GRTP1: variants seen among roughly 807,000 people sequenced by gnomAD.
GRTP1 encodes the protein growth hormone-regulated TBC protein 1.
Under a neutral mutation model 38.1 loss-of-function variants are expected in GRTP1, and 56 were observed. The ratio of observed to expected loss-of-function variants is 1.47; its 90% CI spans 1.19 to 1.84. The LOEUF (loss-of-function observed/expected upper bound fraction) is 1.84. GRTP1 is among the 40% of genes most tolerant of loss of function. The probability of loss-of-function intolerance (pLI) is 0.00; values close to 1 mark genes in which losing one functional copy is unlikely to be tolerated. For synonymous variants in GRTP1, 217 were observed against 189.5 expected (o/e 1.14, Z -1.19); for missense variants, 506 against 453.9 (o/e 1.11, Z -1.04).
intron 3 of GRTP1, 48 bp from the exon 4 acceptor site, chr13:113,351,021 C>A (rs778174545): frequency 3.0e-5 from 48 of 1,607,314 alleles, no homozygotes; most frequent in Non-Finnish European, 4.0e-5. Flanking sequence ...GTTCCACAAG[C>A]CTCCCACCCC....
Position 113,364,016 on chromosome 13 carries a change from A to C in GRTP1, c.32+4T>G. On this transcript the variant is annotated splice_donor_region_variant and intron_variant, in intron 1 of 7. Transcript: ENST00000375431. ...CGGGGACGCCCGCACCCCGCGCCAC[A>C]CACCTGGGGACCCGCGAGCGCTCGG... 1 of 1,355,218 alleles carries C rather than the reference A, an allele frequency of 7.4e-7. No individual in the cohort carries two copies. The highest frequency in any genetic ancestry group is 9.5e-7 in the Non-Finnish European group (1 of 1,057,886). 83.9% of individuals were successfully genotyped at this position (1,355,218 alleles called of 1,614,324 possible).
chr13:113,325,105 C>T (rs1293086090), intron 7 of GRTP1: 8 of 1,012,390 alleles, frequency 7.9e-6, no homozygotes, highest in Non-Finnish European at 9.5e-6. Flanking sequence ...GCTGGGACTG[C>T]AGGCGTGAGC....
chr13:113,347,708 G>C (rs1340507990), intron 4 of GRTP1, among the ~76,000 whole-genome samples: 1 of 102,422 alleles, frequency 9.8e-6, no homozygotes, highest in Non-Finnish European at 2.0e-5. Context: ...CTCTGTGGCA[G>C]AGAGCAGACC....
intron 2 of GRTP1, among the ~76,000 whole-genome samples, chr13:113,356,554 C>A (rs2043390603): frequency 6.6e-6 from 1 of 152,178 alleles, no homozygotes; most frequent in Non-Finnish European, 1.5e-5. Context: ...GCGTGAGCCA[C>A]CACGCCTGGC....
chr13:113,325,478 A>G, intron 7 of GRTP1, 183 bp downstream of exon 7: 1 of 1,460,458 alleles, frequency 6.8e-7, no homozygotes, highest in African/African-American at 1.4e-5. Flanking sequence ...GCCGCCATAG[A>G]CAGGAAAGCC....
chr13:113,357,831 T>C (rs902608019), intron 2 of GRTP1, among the ~76,000 whole-genome samples: 1 of 152,164 alleles, frequency 6.6e-6, no homozygotes, highest in Non-Finnish European at 1.5e-5. Context: ...GGAGAGGCCA[T>C]GCAAAAACCA....
chr13:113,355,488 G>A lies in GRTP1; in HGVS notation c.182-7C>T, dbSNP rs1034013180. ...TTCCGGACATAGCGCTTCACTGAAG[G>A]CCGAGAGGACGGACAGCGTGTGAGC... On this transcript the variant is annotated splice_region_variant and splice_polypyrimidine_tract_variant and intron_variant, in intron 2 of 7. Transcript: ENST00000375431. The A allele has an allele frequency of 1.9e-6, 3 of 1,604,724 alleles. No homozygotes were observed. The highest frequency in any genetic ancestry group is 3.4e-5 in the Admixed American group (2 of 59,654).
chr13:113,325,583 G>C, intron 7 of GRTP1, 78 bp downstream of exon 7: 1 of 1,609,034 alleles, frequency 6.2e-7, no homozygotes. Flanking sequence ...CACCCTCCGG[G>C]TGGTCAGAGC....
chr13:113,352,819 T>C (rs979512199), intron 3 of GRTP1, among the ~76,000 whole-genome samples: 8 of 152,228 alleles, frequency 5.3e-5, no homozygotes, highest in Non-Finnish European at 1.0e-4. Context: ...GCATGGCTCC[T>C]GAAAGATAAC....
Position 113,355,412 on chromosome 13 carries a change from G to A in GRTP1, c.251C>T (p.Ala84Val), listed in dbSNP as rs2043366548. 1.9e-6 allele frequency: 3 copies of A among 1,614,078 alleles called. No individual in the cohort carries two copies. The highest frequency in any genetic ancestry group is 2.2e-5 in the East Asian group (1 of 44,856). The change falls in exon 3 of 8, where the codon GCC (alanine) becomes GTC (valine). Residue 84 changes from alanine (A) to valine (V), a missense_variant. Physicochemically the swap from Ala to Val is moderately conservative, Grantham distance 64. Transcript: ENST00000375431. Reference sequence around the variant, plus strand: ...GGGATTCTGGTCCATCTGCGCCTGGGCCCCACTCAGCACCATCCAGACGCG... The same window carrying A: ...GGGATTCTGGTCCATCTGCGCCTGGACCCCACTCAGCACCATCCAGACGCG... ...RARVWMVLSG[A>V]QAQMDQNPGY...
At chr13:113,346,016 C>CCG (rs2043102692) in intron 4 of GRTP1, among the ~76,000 whole-genome samples, 1 of 91,190 alleles carries the variant, frequency 1.1e-5, no homozygotes, top group South Asian at 4.1e-4. Context: ...ACCTCTGCGG[C>CCG]TGAGCAGACC....
At chr13:113,361,115 A>T (rs1323430921) in intron 2 of GRTP1, among the ~76,000 whole-genome samples, 2 of 151,072 alleles carry the variant, frequency 1.3e-5, no homozygotes, top group Non-Finnish European at 3.0e-5. Context: ...GACTCAAAAA[A>T]AAAAAAAAAA....
At chr13:113,339,077 C>G (rs1484919539) in intron 5 of GRTP1, among the ~76,000 whole-genome samples, 3 of 152,062 alleles carry the variant, frequency 2.0e-5, no homozygotes, top group Non-Finnish European at 4.4e-5. Flanking sequence ...CCATGCCCAG[C>G]TAATTTTTGT....
At chr13:113,333,978 G>C (rs1358051920) in intron 5 of GRTP1, among the ~76,000 whole-genome samples, 1 of 151,526 alleles carries the variant, frequency 6.6e-6, no homozygotes, top group Non-Finnish European at 1.5e-5. Flanking sequence ...GGGATTATAG[G>C]TGTGCGCCAC....
chr13:113,352,714 T>C (rs1435468486), intron 3 of GRTP1, among the ~76,000 whole-genome samples: 3 of 152,306 alleles, frequency 2.0e-5, no homozygotes, highest in South Asian at 4.1e-4. Flanking sequence ...GGAAAGGAGA[T>C]GGCTCCATCT....
intron 4 of GRTP1, among the ~76,000 whole-genome samples, chr13:113,346,073 G>A (rs1162351831): frequency 1.1e-4 from 9 of 83,158 alleles, no homozygotes; most frequent in African/African-American, 4.8e-4. Context: ...GACCTCTGCG[G>A]CTGAGCAGAC....
intron 3 of GRTP1, among the ~76,000 whole-genome samples, chr13:113,354,962 T>A (rs1028674327): frequency 3.3e-5 from 5 of 152,202 alleles, no homozygotes; most frequent in African/African-American, 1.2e-4. Context: ...GAAGCCCTGG[T>A]GTGCGGCCTC....
intron 3 of GRTP1, among the ~76,000 whole-genome samples, chr13:113,352,282 T>TTA (rs1189112621): frequency 7.1e-5 from 3 of 41,994 alleles, no homozygotes; most frequent in Non-Finnish European, 9.4e-5. Context: ...TTATATATAT[T>TTA]TATATATATT....
Position 113,326,131 on chromosome 13 carries a change from G to A in GRTP1, c.563-40C>T, listed in dbSNP as rs780527335. The A allele has an allele frequency of 1.2e-5, 19 of 1,596,512 alleles. No individual in the cohort carries two copies. The East Asian group carries it at 1.3e-4, about 11-fold the overall frequency. ...GGAGAAAAGACCCCGAGACACTCCC[G>A]TCACCTCCACAAGCCCCATTCCCCT... On this transcript the variant is annotated intron_variant, in intron 5 of 7. Transcript: ENST00000375431.
Sources: allele counts gnomAD v4.1 joint callset (sites outside exome capture counted in the v4.1 genomes callset), GRCh38; gene constraint gnomAD v4.1.1; transcripts MANE v1.5; gene names NCBI Gene and HGNC (gene_info 2026-07-23, HGNC 2026-07-21).